DGKB: variants seen among roughly 807,000 people sequenced by gnomAD.
DGKB encodes the protein diacylglycerol kinase beta.
In DGKB, 67 loss-of-function variants were observed where a neutral mutation model predicts 114.3. The ratio of observed to expected loss-of-function variants is 0.59; its 90% CI spans 0.48 to 0.72. DGKB has a LOEUF of 0.72. Among genes scored for constraint, DGKB ranks in the 30% least tolerant of loss-of-function variants. DGKB has a pLI of 0.00. For synonymous variants in DGKB, 398 were observed against 323.1 expected (o/e 1.23, Z -2.49); for missense variants, 907 against 975.2 (o/e 0.93, Z 0.93).
chr7:14,485,095 A>C (rs1175853752), intron 20 of DGKB, among the ~76,000 whole-genome samples: 1 of 65,022 alleles, frequency 1.5e-5, no homozygotes, highest in Non-Finnish European at 2.8e-5. Flanking sequence ...ACACACACAC[A>C]CCACACACAC....
chr7:14,845,811 T>C (rs570279373), intron 1 of DGKB, among the ~76,000 whole-genome samples: 27 of 151,858 alleles, frequency 1.8e-4, no homozygotes, highest in Non-Finnish European at 3.5e-4. Flanking sequence ...ATCCATTTTC[T>C]TCAACTGAAT....
chr7:14,850,961 A>T (rs1282773600), intron 1 of DGKB, among the ~76,000 whole-genome samples: 2 of 152,216 alleles, frequency 1.3e-5, no homozygotes, highest in Admixed American at 1.3e-4. Flanking sequence ...TTTCTCATGA[A>T]AAGTAGATAA....
chr7:14,185,889 A>G (rs1039643675), intron 23 of DGKB, among the ~76,000 whole-genome samples: 9 of 152,210 alleles, frequency 5.9e-5, no homozygotes, highest in African/African-American at 1.9e-4. Flanking sequence ...AAGGACTTAA[A>G]CCTAAGACCT....
intron 5 of DGKB, among the ~76,000 whole-genome samples, chr7:14,735,320 C>A (rs926052541): frequency 6.6e-6 from 1 of 152,200 alleles, no homozygotes; most frequent in Non-Finnish European, 1.5e-5. Context: ...TCCAAGGAAT[C>A]CTTTCCTCAG....
chr7:14,157,713 G>A (rs1783228468), intron 25 of DGKB, among the ~76,000 whole-genome samples: 1 of 152,034 alleles, frequency 6.6e-6, no homozygotes, highest in Admixed American at 6.6e-5. Context: ...TGTCAGGGAA[G>A]GTCAAAGACA....
At position 14,452,075 on chromosome 7, in the gene DGKB, T is replaced by A. The variant is rs1384800177; in HGVS notation, c.1835+26086A>T. ...TTAGATTTATTTGGAAAGGTACACCTGTTTTTGACTGTTTAGAAAATATTA... is the reference window on the plus strand; with the variant it reads ...TTAGATTTATTTGGAAAGGTACACCAGTTTTTGACTGTTTAGAAAATATTA... On this transcript the variant is annotated intron_variant, in intron 21 of 25. Transcript: ENST00000402815. Among the ~76,000 whole-genome samples, 5 of 152,270 alleles carry A rather than the reference T, an allele frequency of 3.3e-5. No individual in the cohort carries two copies. In the South Asian group the frequency reaches 1.0e-3, roughly 32 times the overall value.
At chr7:14,458,419 G>A (rs977397575) in intron 21 of DGKB, among the ~76,000 whole-genome samples, 11 of 152,156 alleles carry the variant, frequency 7.2e-5, no homozygotes, top group South Asian at 2.1e-4. Flanking sequence ...AGATGGCTGA[G>A]TAGGAACAGC....
At chr7:14,758,654 C>G (rs542198990) in intron 2 of DGKB, among the ~76,000 whole-genome samples, 2 of 152,052 alleles carry the variant, frequency 1.3e-5, no homozygotes, top group African/African-American at 4.8e-5. Flanking sequence ...GAATATAATT[C>G]TTGTTGACCT....
At chr7:14,403,342 T>C (rs1336580927) in intron 21 of DGKB, among the ~76,000 whole-genome samples, 1 of 151,930 alleles carries the variant, frequency 6.6e-6, no homozygotes, top group Non-Finnish European at 1.5e-5. Flanking sequence ...TATACAGGCA[T>C]GAGAGTAATT....
At chr7:14,411,864 G>T (rs1824938356) in intron 21 of DGKB, among the ~76,000 whole-genome samples, 1 of 151,934 alleles carries the variant, frequency 6.6e-6, no homozygotes. Context: ...TAGGGGCATT[G>T]GTTTAATACA....
rs186663114 is a variant in DGKB, at chr7:14,949,455, T to C, written c.-188+25241A>G. On this transcript the variant is annotated intron_variant, in intron 1 of 4. Coordinates refer to the DGKB transcript ENST00000437998. ...AATTGTAAACATAATGCAGAAACAT[T>C]ATAGTCAAAAAATAAAGAGGAAAAA... Among the ~76,000 whole-genome samples the C allele has an allele frequency of 3.9e-5, 6 of 151,984 alleles. No individual in the cohort carries two copies. The East Asian group carries it at 1.2e-3, about 30-fold the overall frequency.
At position 14,847,161 on chromosome 7, in the gene DGKB, G is replaced by C. The variant is rs559437824; in HGVS notation, c.-187-5711C>G. On this transcript the variant is annotated intron_variant, in intron 1 of 25. Coordinates refer to ENST00000402815, the MANE Select transcript of DGKB (RefSeq NM_001350709.2). ...AAAAAATTAACAGAGCGTGGTGGTG[G>C]GCACCTGTAGTCCCAGCTACTCGGG... is the stretch of plus-strand genomic sequence containing the variant. Among the ~76,000 whole-genome samples, 11 of 152,092 alleles carry C rather than the reference G, an allele frequency of 7.2e-5. No individual in the cohort carries two copies. In the East Asian group the frequency reaches 2.1e-3, roughly 30 times the overall value.
intron 1 of DGKB, among the ~76,000 whole-genome samples, chr7:14,949,096 T>A (rs1011525394): frequency 6.6e-6 from 1 of 151,752 alleles, no homozygotes; most frequent in Non-Finnish European, 1.5e-5. Flanking sequence ...GTATACAAAG[T>A]GAAATTTTGC....
At chr7:14,819,211 A>G (rs1387892101) in intron 2 of DGKB, among the ~76,000 whole-genome samples, 1 of 152,172 alleles carries the variant, frequency 6.6e-6, no homozygotes, top group Non-Finnish European at 1.5e-5. Context: ...TAATTGGGAC[A>G]TAGGGTCCCT....
intron 21 of DGKB, among the ~76,000 whole-genome samples, chr7:14,451,763 C>T (rs1010620814): frequency 6.6e-6 from 1 of 151,986 alleles, no homozygotes; most frequent in African/African-American, 2.4e-5. Flanking sequence ...ATGTGTTAAA[C>T]CAGAGAAGAC....
At chr7:14,661,647 C>T (rs1171229392) in intron 13 of DGKB, among the ~76,000 whole-genome samples, 2 of 151,964 alleles carry the variant, frequency 1.3e-5, no homozygotes, top group East Asian at 1.9e-4. Flanking sequence ...GTCAGTGTGG[C>T]GATTCCTCAG....
intron 20 of DGKB, among the ~76,000 whole-genome samples, chr7:14,538,537 G>C (rs1289962699): frequency 2.0e-5 from 3 of 151,974 alleles, no homozygotes; most frequent in Non-Finnish European, 4.4e-5. Flanking sequence ...CTTTTGGTAA[G>C]AATGAAAATG....
intron 2 of DGKB, among the ~76,000 whole-genome samples, chr7:14,781,001 G>A (rs180875549): frequency 4.6e-5 from 7 of 152,108 alleles, no homozygotes; most frequent in Non-Finnish European, 1.0e-4. Context: ...TTATTTTGAT[G>A]TTTCTCTTCC....
At chr7:14,457,962 T>A (rs1205427062) in intron 21 of DGKB, among the ~76,000 whole-genome samples, 1 of 152,226 alleles carries the variant, frequency 6.6e-6, no homozygotes, top group Non-Finnish European at 1.5e-5. Context: ...GAAGGACTCA[T>A]CCAGTGTTCT....
Sources: allele counts gnomAD v4.1 joint callset (sites outside exome capture counted in the v4.1 genomes callset), GRCh38; gene constraint gnomAD v4.1.1; transcripts MANE v1.5; gene names NCBI Gene and HGNC (gene_info 2026-07-23, HGNC 2026-07-21).